DLG2: variants seen among roughly 807,000 people sequenced by gnomAD.
The protein encoded by DLG2 is disks large homolog 2.
DLG2 carries 45 observed loss-of-function variants against 132.5 expected under a neutral mutation model. That is an observed-to-expected ratio of 0.34 (90% confidence interval 0.27 to 0.44). The LOEUF (loss-of-function observed/expected upper bound fraction) is 0.44. Ranked by LOEUF, DLG2 falls within the 20% of genes least tolerant of loss-of-function variation. DLG2 has a pLI of 1.00. For missense variants in DLG2, 1,045 were observed against 1,196.9 expected (o/e 0.87, Z 1.87); for synonymous variants, 424 against 419.6 (o/e 1.01, Z -0.13).
Position 85,410,016 on chromosome 11 carries a change from G to C in DLG2, c.41-124651C>G, listed in dbSNP as rs1392721354. On this transcript the variant is annotated intron_variant, in intron 3 of 27. Coordinates refer to ENST00000376104, the MANE Select transcript of DLG2 (RefSeq NM_001142699.3). The stretch of plus-strand genomic sequence containing the variant: ...AGGGATGTTTACAGTGGTGGGTCCA[G>C]GTTTTAGTACGGAATGGCATAGCAT... Among the ~76,000 whole-genome samples, 4 of 151,840 alleles carry C rather than the reference G, an allele frequency of 2.6e-5. No homozygotes were observed. The East Asian group carries it at 7.7e-4, about 29-fold the overall frequency.
intron 18 of DLG2, among the ~76,000 whole-genome samples, chr11:83,659,101 A>G (rs1010901010): frequency 6.6e-6 from 1 of 152,154 alleles, no homozygotes; most frequent in African/African-American, 2.4e-5. Flanking sequence ...TCTGATACAC[A>G]TAAGGAATAC....
At chr11:85,520,515 C>CCACACACACACACACACACACACA (rs3068471) in intron 3 of DLG2, among the ~76,000 whole-genome samples, 1 of 148,038 alleles carries the variant, frequency 6.8e-6, no homozygotes, top group African/African-American at 2.5e-5. Flanking sequence ...GTATATGGAA[C>CCACACACACACACACACACACACA]CACACACACA....
chr11:85,168,505 A>G (rs970975712), intron 4 of DLG2, among the ~76,000 whole-genome samples: 3 of 152,176 alleles, frequency 2.0e-5, no homozygotes, highest in Admixed American at 6.6e-5. Context: ...GCAGAAGCCA[A>G]TTTAGGAGAA....
intron 4 of DLG2, among the ~76,000 whole-genome samples, chr11:85,253,970 G>A (rs1396490688): frequency 6.6e-6 from 1 of 152,148 alleles, no homozygotes; most frequent in Non-Finnish European, 1.5e-5. Flanking sequence ...TCTCCTCTCT[G>A]CCAGCTGAGC....
chr11:84,936,591 T>C (rs754151812), intron 6 of DLG2: 1 of 152,166 alleles, frequency 6.6e-6, no homozygotes, highest in Admixed American at 6.5e-5. Flanking sequence ...TACACATGTA[T>C]ACACATGTAC....
At chr11:83,901,035 T>C (rs1261093120) in intron 15 of DLG2, among the ~76,000 whole-genome samples, 1 of 152,200 alleles carries the variant, frequency 6.6e-6, no homozygotes. Flanking sequence ...TTTGGAGCTC[T>C]ACAATTTGAC....
At chr11:84,134,803 T>G (rs1346965898) in intron 9 of DLG2, among the ~76,000 whole-genome samples, 1 of 151,992 alleles carries the variant, frequency 6.6e-6, no homozygotes, top group Non-Finnish European at 1.5e-5. Context: ...AGTGTCCTGA[T>G]ACTTCTACAA....
chr11:84,135,733 G>A (rs2094576457), intron 9 of DLG2, among the ~76,000 whole-genome samples: 3 of 152,104 alleles, frequency 2.0e-5, no homozygotes, highest in Admixed American at 2.0e-4. Context: ...TTCAGTGAGA[G>A]GTCGAACATG....
chr11:84,387,039 G>A (rs1181550424), intron 7 of DLG2, among the ~76,000 whole-genome samples: 2 of 151,824 alleles, frequency 1.3e-5, no homozygotes, highest in Non-Finnish European at 2.9e-5. Flanking sequence ...TTACTCTCCA[G>A]GCCATTTGTA....
Position 83,786,712 on chromosome 11 carries a change from A to G in DLG2, c.1803T>C (p.Ile601=), listed in dbSNP as rs770880601. 1.2e-6 allele frequency: 2 copies of G among 1,614,126 alleles called. No individual in the cohort carries two copies. Among genetic ancestry groups the G allele is most frequent in the Admixed American group, 1.7e-5 (1 of 60,020 alleles). ...ALKGAGQTVT[I]IAQYQPEDYA... ...GACCTTCAGGTTGATATTGTGCTAT[A>G]ATCGTCACTGTCTGTCCAGCCCCCT... is the stretch of plus-strand genomic sequence containing the variant. The change falls in exon 18 of 28, where the codon ATT becomes ATC. Residue 601 remains isoleucine, a synonymous_variant. Coordinates refer to ENST00000376104, the MANE Select transcript of DLG2 (RefSeq NM_001142699.3).
chr11:84,572,639 A>G (rs994467910), intron 6 of DLG2, among the ~76,000 whole-genome samples: 1 of 152,112 alleles, frequency 6.6e-6, no homozygotes, highest in Non-Finnish European at 1.5e-5. Flanking sequence ...AAGATTCTGC[A>G]TGTTCTTCTG....
At chr11:85,003,006 A>AT (rs997097801) in intron 6 of DLG2, among the ~76,000 whole-genome samples, 2 of 152,036 alleles carry the variant, frequency 1.3e-5, no homozygotes, top group African/African-American at 4.8e-5. Flanking sequence ...TTAATATAGT[A>AT]TTTATATTAT....
chr11:84,161,042 G>T (rs1016055094), intron 9 of DLG2, among the ~76,000 whole-genome samples: 5 of 152,166 alleles, frequency 3.3e-5, no homozygotes, highest in Admixed American at 6.6e-5. Flanking sequence ...AGTCTTGAGA[G>T]TTCACTTAAA....
At chr11:84,450,929 T>C (rs2099049844) in intron 7 of DLG2, among the ~76,000 whole-genome samples, 2 of 151,434 alleles carry the variant, frequency 1.3e-5, no homozygotes, top group African/African-American at 2.4e-5. Flanking sequence ...AGAAATAACA[T>C]AGGGAACAGA....
At chr11:85,050,883 T>A (rs1380365935) in intron 6 of DLG2, among the ~76,000 whole-genome samples, 1 of 152,096 alleles carries the variant, frequency 6.6e-6, no homozygotes, top group Non-Finnish European at 1.5e-5. Flanking sequence ...CTCTGTTTGC[T>A]CTGCATTAGC....
At chr11:83,978,255 G>A (rs182305573) in intron 12 of DLG2, among the ~76,000 whole-genome samples, 1 of 151,616 alleles carries the variant, frequency 6.6e-6, no homozygotes, top group Non-Finnish European at 1.5e-5. Context: ...TACCATGATG[G>A]TACAATAGCA....
At chr11:84,105,938 C>T (rs1393183537) in intron 9 of DLG2, among the ~76,000 whole-genome samples, 1 of 152,032 alleles carries the variant, frequency 6.6e-6, no homozygotes, top group Admixed American at 6.6e-5. Flanking sequence ...ATAGTTTATA[C>T]TACAAAACTA....
chr11:84,929,139 G>T (rs1220351880), intron 6 of DLG2, among the ~76,000 whole-genome samples: 1 of 150,010 alleles, frequency 6.7e-6, no homozygotes, highest in African/African-American at 2.5e-5. Context: ...CCATCCCCTG[G>T]TGTCCAGTGA....
intron 11 of DLG2, among the ~76,000 whole-genome samples, chr11:84,046,083 G>A (rs539278139): frequency 5.3e-5 from 8 of 151,548 alleles, no homozygotes; most frequent in South Asian, 4.1e-4. Flanking sequence ...ACTTGGTCAC[G>A]GTTTCCTAGA....
Sources: allele counts gnomAD v4.1 joint callset (sites outside exome capture counted in the v4.1 genomes callset), GRCh38; gene constraint gnomAD v4.1.1; transcripts MANE v1.5; gene names NCBI Gene and HGNC (gene_info 2026-07-23, HGNC 2026-07-21).